CACNA2D3: variants seen among roughly 807,000 people sequenced by gnomAD.
CACNA2D3 encodes calcium voltage-gated channel auxiliary subunit alpha2delta 3, also known as voltage-dependent calcium channel subunit alpha-2/delta-3.
In CACNA2D3, 60 loss-of-function variants were observed where a neutral mutation model predicts 160.6. That is an observed-to-expected ratio of 0.37 (90% CI 0.30 to 0.46). CACNA2D3 has a LOEUF of 0.46. Ranked by LOEUF, CACNA2D3 falls within the 20% of genes least tolerant of loss-of-function variation. The probability of loss-of-function intolerance (pLI) is 1.00; values close to 1 mark genes in which losing one functional copy is unlikely to be tolerated. For missense variants in CACNA2D3, 1,205 were observed against 1,365.0 expected, an observed-to-expected ratio of 0.88 and a Z score of 1.85; for synonymous variants, 558 against 492.9, an observed-to-expected ratio of 1.13 and a Z score of -1.75.
At chr3:54,551,690 A>G (rs1702160289) in intron 5 of CACNA2D3, among the ~76,000 whole-genome samples, 1 of 152,200 alleles carries the variant, frequency 6.6e-6, no homozygotes, top group Non-Finnish European at 1.5e-5. Context: ...TGCTTCTGGA[A>G]CAGCGTGGGT....
At chr3:54,707,385 AG>A (rs1700876467) in intron 11 of CACNA2D3, among the ~76,000 whole-genome samples, 1 of 152,170 alleles carries the variant, frequency 6.6e-6, no homozygotes, top group Non-Finnish European at 1.5e-5. Flanking sequence ...TTCTGGACAA[AG>A]GTTAGGTAAA....
intron 8 of CACNA2D3, among the ~76,000 whole-genome samples, chr3:54,571,067 T>C (rs530858675): frequency 5.9e-5 from 9 of 152,216 alleles, no homozygotes; most frequent in African/African-American, 2.2e-4. Context: ...ATACATTGGT[T>C]TGGTCCGGAA....
chr3:54,354,143 C>T (rs1020969619), intron 3 of CACNA2D3, among the ~76,000 whole-genome samples: 2 of 152,180 alleles, frequency 1.3e-5, no homozygotes, highest in Admixed American at 1.3e-4. Context: ...CCTACCCATA[C>T]GTGCTGTGCA....
At chr3:55,018,071 A>C (rs1292898881) in intron 34 of CACNA2D3, 135 bp from the exon 35 acceptor site, 1 of 612,560 alleles carries the variant, frequency 1.6e-6, no homozygotes, top group Non-Finnish European at 2.9e-6. Context: ...TTAGAAAATA[A>C]TGCATTATGC....
At chr3:54,580,504 T>C (rs1395256424) in intron 8 of CACNA2D3, among the ~76,000 whole-genome samples, 1 of 152,086 alleles carries the variant, frequency 6.6e-6, no homozygotes, top group African/African-American at 2.4e-5. Context: ...CCCTCTTTGC[T>C]CAAGAGTTAG....
At chr3:54,463,759 C>G (rs1700554448) in intron 4 of CACNA2D3, among the ~76,000 whole-genome samples, 1 of 152,214 alleles carries the variant, frequency 6.6e-6, no homozygotes, top group South Asian at 2.1e-4. Flanking sequence ...CTGAAGCCTT[C>G]TTCTCTGAAC....
chr3:54,284,634 T>C (rs996837235), intron 2 of CACNA2D3, among the ~76,000 whole-genome samples: 15 of 152,240 alleles, frequency 9.9e-5, no homozygotes, highest in South Asian at 4.1e-4. Context: ...TGATGAACAG[T>C]GTGAGAATAA....
rs1699501333 is a variant in CACNA2D3 at position 54,122,831 on chromosome 3, T to C, written c.118T>C (p.Ser40Pro). 1.5e-5 allele frequency: 18 copies of C among 1,231,002 alleles called. No individual in the cohort carries two copies. The South Asian group carries it at 5.4e-4, about 37-fold the overall frequency. 76.3% of individuals were successfully genotyped at this position (1,231,002 alleles called of 1,614,324 possible). ...VVRSEQQIPL[S>P]VVKLWASAFG... ...GCGCTCGGAGCAGCAGATACCGCTC[T>C]CCGTGTAAGTGCCGGCTCCTGCGCC... Residue 40 changes from serine to proline, a missense_variant, in exon 1 of 38, where the codon TCC (serine) becomes CCC (proline). Coordinates refer to ENST00000474759, the MANE Select transcript of CACNA2D3 (RefSeq NM_018398.3).
chr3:54,811,452 T>TTCTCCCTCA (rs1703311665), intron 13 of CACNA2D3, among the ~76,000 whole-genome samples: 1 of 145,504 alleles, frequency 6.9e-6, no homozygotes, highest in Non-Finnish European at 1.5e-5. Flanking sequence ...GCTGATCCTG[T>TTCTCCCTCA]TCTCCCTCAG....
chr3:54,743,515 A>G lies in CACNA2D3; in HGVS notation c.1168-9084A>G, dbSNP rs977748401. Among the ~76,000 whole-genome samples the G allele has an allele frequency of 2.6e-4, 39 of 152,194 alleles. 1 individual carries two copies. The highest frequency in any genetic ancestry group is 4.4e-5 in the Non-Finnish European group (3 of 68,032). On this transcript the variant is annotated intron_variant, in intron 11 of 37. Transcript: ENST00000474759. ...TGTATTCCAAGTACAATGGGAAGGC[A>G]CTGGAGGGCTTTAAGCTAGAGAGTG... is the stretch of plus-strand genomic sequence containing the variant.
intron 2 of CACNA2D3, among the ~76,000 whole-genome samples, chr3:54,178,720 A>C (rs1464016332): frequency 6.6e-6 from 1 of 152,240 alleles, no homozygotes; most frequent in Non-Finnish European, 1.5e-5. Context: ...ATAATCTGTC[A>C]AAATAAAAAC....
At chr3:54,531,365 A>G (rs1701803365) in intron 5 of CACNA2D3, among the ~76,000 whole-genome samples, 1 of 152,240 alleles carries the variant, frequency 6.6e-6, no homozygotes, top group Non-Finnish European at 1.5e-5. Context: ...GTATGACGGA[A>G]GGATATTCAT....
intron 9 of CACNA2D3, among the ~76,000 whole-genome samples, chr3:54,621,544 G>T (rs1400114653): frequency 1.3e-5 from 2 of 152,204 alleles, no homozygotes; most frequent in African/African-American, 4.8e-5. Flanking sequence ...CTTTATTGAG[G>T]TTTAATAATA....
chr3:54,893,844 G>A (rs1700125535), intron 25 of CACNA2D3, among the ~76,000 whole-genome samples: 1 of 152,054 alleles, frequency 6.6e-6, no homozygotes, highest in African/African-American at 2.4e-5. Flanking sequence ...ATCCAGTGAT[G>A]TTAGCCTTCA....
At chr3:54,931,077 C>G (rs559772283) in intron 27 of CACNA2D3, among the ~76,000 whole-genome samples, 44 of 152,296 alleles carry the variant, frequency 2.9e-4, no homozygotes, top group African/African-American at 1.0e-3. Flanking sequence ...GCCTGGGTGA[C>G]AGAGTGAGAC....
chr3:54,463,845 C>T (rs1213079162), intron 4 of CACNA2D3, among the ~76,000 whole-genome samples: 1 of 152,194 alleles, frequency 6.6e-6, no homozygotes, highest in East Asian at 1.9e-4. Flanking sequence ...AGGAGAGGCG[C>T]TCTGCTTTTT....
chr3:54,874,025 G>A (rs1699603876), intron 18 of CACNA2D3, among the ~76,000 whole-genome samples: 1 of 152,218 alleles, frequency 6.6e-6, no homozygotes, highest in Non-Finnish European at 1.5e-5. Context: ...CACTGAGGAA[G>A]AAGCAGTAGA....
chr3:54,893,029 A>T (rs1700103909), intron 25 of CACNA2D3, among the ~76,000 whole-genome samples: 1 of 152,328 alleles, frequency 6.6e-6, no homozygotes, highest in South Asian at 2.1e-4. Flanking sequence ...TAATCCCAGA[A>T]CTTTGGGAGG....
intron 2 of CACNA2D3, among the ~76,000 whole-genome samples, chr3:54,190,623 C>T (rs1366697130): frequency 2.0e-5 from 3 of 152,244 alleles, no homozygotes; most frequent in Admixed American, 1.3e-4. Context: ...AATACTCCTG[C>T]TGTTGTGCCT....
Sources: allele counts gnomAD v4.1 joint callset (sites outside exome capture counted in the v4.1 genomes callset), GRCh38; gene constraint gnomAD v4.1.1; transcripts MANE v1.5; gene names NCBI Gene and HGNC (gene_info 2026-07-23, HGNC 2026-07-21).